The following BLM variants were observed in gnomAD, a reference collection of about 807,000 sequenced individuals.
BLM encodes the protein BLM RecQ like helicase.
In BLM, 95 loss-of-function variants were observed where a neutral mutation model predicts 135.3. The observed-to-expected ratio is 0.70, with a 90% CI of 0.59 to 0.83. The LOEUF (loss-of-function observed/expected upper bound fraction) is 0.83, where lower values mean the gene tolerates loss of function less well. Among genes scored for constraint, BLM ranks in the 40% least tolerant of loss-of-function variants. BLM has a pLI of 0.00. For synonymous variants in BLM, 520 were observed against 589.2 expected, an observed-to-expected ratio of 0.88 and a Z score of 1.70; for missense variants, 1,518 against 1,663.9, an observed-to-expected ratio of 0.91 and a Z score of 1.53.
chr15:90,813,147 C>T (rs1897465537), intron 21 of BLM, among the ~76,000 whole-genome samples: 1 of 152,204 alleles, frequency 6.6e-6, no homozygotes, highest in African/African-American at 2.4e-5. Context: ...AGAGCACGTT[C>T]ACTTCTGCAT....
chr15:90,760,372 G>A, intron 6 of BLM, 93 bp downstream of exon 6: 1 of 1,532,114 alleles, frequency 6.5e-7, no homozygotes, highest in Non-Finnish European at 9.0e-7. Context: ...AGGCTTTCTG[G>A]CCTGGAAATG....
Position 90,769,129 on chromosome 15 carries a change from C to G in BLM, c.2308-4C>G, listed in dbSNP as rs1596238148. 5 of 1,600,006 alleles carry G rather than the reference C, an allele frequency of 3.1e-6. No homozygotes were observed. The East Asian group carries it at 1.1e-4, about 36-fold the overall frequency. ...TTTACATGTCTAATGTATTTCTGGC[C>G]TAGATCTGTGCAAGTAACAGACTCA... On this transcript the variant is annotated splice_region_variant and splice_polypyrimidine_tract_variant and intron_variant, in intron 10 of 21. Transcript: ENST00000355112.
At chr15:90,742,224 G>T (rs1191529513) in intron 1 of BLM, among the ~76,000 whole-genome samples, 3 of 151,978 alleles carry the variant, frequency 2.0e-5, no homozygotes, top group South Asian at 2.1e-4. Flanking sequence ...TAGATTTTTT[G>T]ATCGTTCTTA....
At chr15:90,807,387 GT>G (rs1281140577) in intron 19 of BLM, among the ~76,000 whole-genome samples, 1 of 151,806 alleles carries the variant, frequency 6.6e-6, no homozygotes, top group Non-Finnish European at 1.5e-5. Flanking sequence ...TAGTGCCTGG[GT>G]TTTTTTTGTT....
intron 1 of BLM, among the ~76,000 whole-genome samples, chr15:90,735,909 G>A (rs1454727755): frequency 2.0e-5 from 3 of 152,074 alleles, no homozygotes; most frequent in Non-Finnish European, 4.4e-5. Flanking sequence ...ACTATCCCTA[G>A]TCTAAATTGA....
rs753635754 is a variant in BLM, at chr15:90,769,176, A to G, written c.2351A>G (p.Tyr784Cys). The change falls in exon 11 of 22, where the codon TAT becomes TGT. Residue 784 changes from tyrosine to cysteine, a missense_variant. Tyr to Cys is a radical substitution (Grantham distance 194). Coordinates refer to ENST00000355112, the MANE Select transcript of BLM (RefSeq NM_000057.4). ...NRLISTLENL[Y>C]ERKLLARFVI... ...CTCATTTCTACTCTGGAGAATCTCT[A>G]TGAGAGGAAGCTCTTGGCACGTTTT... is the stretch of plus-strand genomic sequence containing the variant. 11 of 1,613,838 alleles carry G rather than the reference A, an allele frequency of 6.8e-6. No individual in the cohort carries two copies. Among genetic ancestry groups the G allele is most frequent in the East Asian group, 2.2e-5 (1 of 44,896 alleles).
chr15:90,746,984 C>T (rs1895517376), intron 1 of BLM, among the ~76,000 whole-genome samples: 1 of 152,070 alleles, frequency 6.6e-6, no homozygotes, highest in Admixed American at 6.5e-5. Flanking sequence ...GTTCTTTGGG[C>T]TTTCCGTGTG....
chr15:90,759,365 C>A (rs942431238), intron 5 of BLM, among the ~76,000 whole-genome samples: 3 of 150,984 alleles, frequency 2.0e-5, no homozygotes, highest in African/African-American at 4.9e-5. Flanking sequence ...AGTTTGAGAC[C>A]AGCCTGGGCA....
intron 16 of BLM, among the ~76,000 whole-genome samples, chr15:90,797,094 C>T (rs1266642730): frequency 6.6e-6 from 1 of 152,058 alleles, no homozygotes; most frequent in African/African-American, 2.4e-5. Context: ...GTAAGAGGAT[C>T]AGCTCTGTAT....
In BLM at chr15:90,754,924, G is replaced by A. The variant is rs750203166; in HGVS notation, c.1073G>A (p.Ser358Asn). 6.2e-7 allele frequency: 1 copy of A among 1,613,858 alleles called. No homozygotes were observed. Among genetic ancestry groups the A allele is most frequent in the South Asian group, 1.1e-5 (1 of 91,072 alleles). ...MSMQELNPET[S>N]TDCDARQISL... ...ATGCAGGAGCTGAATCCAGAAACCA[G>A]CACAGACTGTGACGGTACAAGCAAT... The change falls in exon 5 of 22, where the codon AGC (serine) becomes AAC (asparagine). Residue 358 changes from serine to asparagine, a missense_variant. By Grantham distance (46) the Ser-to-Asn change is conservative. Coordinates refer to ENST00000355112, the MANE Select transcript of BLM (RefSeq NM_000057.4).
intron 12 of BLM, among the ~76,000 whole-genome samples, chr15:90,773,754 T>G (rs1354685228): frequency 6.6e-6 from 1 of 152,180 alleles, no homozygotes; most frequent in Non-Finnish European, 1.5e-5. Flanking sequence ...GTGACTGACT[T>G]CTTTCACTGA....
intron 17 of BLM, among the ~76,000 whole-genome samples, chr15:90,802,081 C>T (rs1897178705): frequency 6.6e-6 from 1 of 152,104 alleles, no homozygotes; most frequent in South Asian, 2.1e-4. Flanking sequence ...GTATTTCAGC[C>T]AGCTTTCGTA....
At chr15:90,785,645 G>A (rs1428575832) in intron 14 of BLM, among the ~76,000 whole-genome samples, 1 of 151,520 alleles carries the variant, frequency 6.6e-6, no homozygotes, top group East Asian at 1.9e-4. Flanking sequence ...CCAGGTTCAA[G>A]TGATTCTCCT....
Position 90,763,003 on chromosome 15 carries a change from AC to A in BLM, c.1921del (p.His641MetfsTer15). ...AQNLASRNLKHERFQSLSFPH... is the reference protein window; with the variant it reads ...AQNLASRNLKXERFQSLSFPH... ...AAAATTTAGCATCCAGAAATCTGAA[AC>A]ATGAGCGTTTCCAAAGTCTTAGTTT... On this transcript the variant is annotated frameshift_variant, in exon 8 of 22. Coordinates refer to ENST00000355112, the MANE Select transcript of BLM (RefSeq NM_000057.4). LOFTEE classifies it high-confidence loss of function. 1 of 1,613,598 alleles carries A rather than the reference AC, an allele frequency of 6.2e-7. No individual in the cohort carries two copies. The highest frequency in any genetic ancestry group is 8.5e-7 in the Non-Finnish European group (1 of 1,179,892).
At chr15:90,766,726 C>T (rs951194150) in intron 9 of BLM, among the ~76,000 whole-genome samples, 184 bp from the exon 10 acceptor site, 1 of 152,158 alleles carries the variant, frequency 6.6e-6, no homozygotes, top group Non-Finnish European at 1.5e-5. Context: ...CCACGCCCTG[C>T]CTGAGTTATG....
chr15:90,793,108 A>T (rs1896945740), intron 15 of BLM, among the ~76,000 whole-genome samples: 1 of 150,502 alleles, frequency 6.6e-6, no homozygotes. Context: ...AAACTGGAAG[A>T]AAAAAATAAT....
intron 18 of BLM, 108 bp downstream of exon 18, chr15:90,803,828 A>G: frequency 9.2e-7 from 1 of 1,085,296 alleles, no homozygotes; most frequent in Non-Finnish European, 1.4e-6. Flanking sequence ...GAATTTATAT[A>G]TACTGTTCTA....
intron 1 of BLM, among the ~76,000 whole-genome samples, chr15:90,743,877 C>T (rs1596212624): frequency 2.0e-5 from 3 of 152,270 alleles, no homozygotes; most frequent in Admixed American, 2.0e-4. Flanking sequence ...GAGGGTGCTA[C>T]CTCGTGAGGA....
In BLM at chr15:90,784,948, C is replaced by G. The variant is rs750600011; in HGVS notation, c.2690C>G (p.Ser897Cys). 6.2e-7 allele frequency: 1 copy of G among 1,613,992 alleles called. No individual in the cohort carries two copies. Among genetic ancestry groups the G allele is most frequent in the Admixed American group, 1.7e-5 (1 of 60,008 alleles). The change falls in exon 14 of 22, where the codon TCC becomes TGC. Residue 897 changes from serine to cysteine, a missense_variant. Coordinates refer to ENST00000355112, the MANE Select transcript of BLM (RefSeq NM_000057.4). ...GATTCAGGGATAATTTACTGCCTCT[C>G]CAGGCGAGAATGTGACACCATGGCT... is the stretch of plus-strand genomic sequence containing the variant. The part of the protein sequence containing the change: ...PYDSGIIYCL[S>C]RRECDTMADT...
Sources: allele counts gnomAD v4.1 joint callset (sites outside exome capture counted in the v4.1 genomes callset), GRCh38; gene constraint gnomAD v4.1.1; transcripts MANE v1.5; gene names NCBI Gene and HGNC (gene_info 2026-07-23, HGNC 2026-07-21).